The following ZDHHC7 variants were observed in gnomAD, a reference collection of about 807,000 sequenced individuals.
ZDHHC7 encodes palmitoyltransferase ZDHHC7.
ZDHHC7 carries 12 observed loss-of-function variants against 34.1 expected under a neutral mutation model. The ratio of observed to expected loss-of-function variants is 0.35; its 90% CI spans 0.23 to 0.57. The LOEUF (loss-of-function observed/expected upper bound fraction) is 0.57. Ranked by LOEUF, ZDHHC7 falls within the 20% of genes least tolerant of loss-of-function variation. The pLI, the probability that ZDHHC7 is intolerant of heterozygous loss-of-function variation, is 0.84. For synonymous variants in ZDHHC7, 185 were observed against 155.4 expected, an observed-to-expected ratio of 1.19 and a Z score of -1.42; for missense variants, 388 against 402.7, an observed-to-expected ratio of 0.96 and a Z score of 0.31.
intron 3 of ZDHHC7, among the ~76,000 whole-genome samples, chr16:84,982,577 C>T (rs1256420208): frequency 4.6e-5 from 7 of 152,146 alleles, no homozygotes; most frequent in Non-Finnish European, 7.4e-5. Flanking sequence ...GTTTTCTTAT[C>T]GGGCAGTCGG....
chr16:84,983,282 G>C (rs750508538), intron 3 of ZDHHC7, among the ~76,000 whole-genome samples: 26 of 152,232 alleles, frequency 1.7e-4, no homozygotes, highest in Admixed American at 7.2e-4. Context: ...GGCAGAGGTG[G>C]TGAAGGGCTC....
intron 2 of ZDHHC7, among the ~76,000 whole-genome samples, chr16:84,992,339 C>CGCCT (rs1001481276): frequency 3.8e-5 from 3 of 78,716 alleles, no homozygotes; most frequent in African/African-American, 2.7e-4. Context: ...CAGTGGCAGG[C>CGCCT]GCCTGTACCT....
At chr16:84,980,893 T>A (rs973790172) in intron 4 of ZDHHC7, among the ~76,000 whole-genome samples, 1 of 152,204 alleles carries the variant, frequency 6.6e-6, no homozygotes, top group Non-Finnish European at 1.5e-5. Flanking sequence ...CATCTTTCTT[T>A]ACTTTCTGGC....
upstream of ZDHHC7, among the ~76,000 whole-genome samples, chr16:85,015,806 C>T (rs761906830): frequency 6.6e-6 from 1 of 150,676 alleles, no homozygotes; most frequent in Non-Finnish European, 1.5e-5. Context: ...CACTGCACTC[C>T]AGCTAGGGAG....
At chr16:85,011,969 T>C (rs1162633744), upstream of ZDHHC7, among the ~76,000 whole-genome samples, 1 of 152,180 alleles carries the variant, frequency 6.6e-6, no homozygotes, top group Non-Finnish European at 1.5e-5. Flanking sequence ...GAACTGGGGA[T>C]TGGAGGCCTG....
chr16:85,001,470 C>CAAAAAAAAAAAAAAAAAAAAAAAA lies in ZDHHC7; in HGVS notation c.-103-5464_-103-5463insTTTTTTTTTTTTTTTTTTTTTTTT, dbSNP rs71151261. 4.5e-4 allele frequency among the ~76,000 whole-genome samples: 43 copies of CAAAAAAAAAAAAAAAAAAAAAAAA among 95,280 alleles called. 1 individual carries two copies. The highest frequency in any genetic ancestry group is 1.3e-3 in the East Asian group (4 of 3,110). 62.5% of individuals were successfully genotyped at this position (95,280 alleles called of 152,430 possible). On this transcript the variant is annotated intron_variant, in intron 1 of 7. Transcript: ENST00000313732. ...TGGGCAAGAGAGCAAGACCCTGTCTCAAAAAAAAAAAAAATTAAGTAAATG... is the reference window on the plus strand; with the variant it reads ...TGGGCAAGAGAGCAAGACCCTGTCTCAAAAAAAAAAAAAAAAAAAAAAAAAAAAAAAAAAAAAATTAAGTAAATG...
At chr16:85,027,346 G>T in the ZDHHC7 span, among the ~76,000 whole-genome samples, 1 of 152,010 alleles carries the variant, frequency 6.6e-6, no homozygotes, top group Non-Finnish European at 1.5e-5. Context: ...ACATGCCTTC[G>T]CCGTAACTAG....
intron 2 of ZDHHC7, among the ~76,000 whole-genome samples, chr16:84,995,139 G>A (rs1273875371): frequency 2.6e-5 from 4 of 152,144 alleles, no homozygotes; most frequent in East Asian, 1.9e-4. Context: ...TGAGGGAACC[G>A]TGAAACACTG....
At chr16:85,013,634 T>A (rs60115438), upstream of ZDHHC7, among the ~76,000 whole-genome samples, 3 of 152,190 alleles carry the variant, frequency 2.0e-5, no homozygotes, top group African/African-American at 7.2e-5. Flanking sequence ...CTTATGAATA[T>A]ATGAGATGTA....
In ZDHHC7 at chr16:84,976,252, C is replaced by G. The variant is rs567256693; in HGVS notation, c.*91G>C. On this transcript the variant is annotated 3_prime_UTR_variant, in exon 8 of 8. Coordinates refer to ENST00000313732, the MANE Select transcript of ZDHHC7 (RefSeq NM_017740.3). Reference sequence around the variant, plus strand: ...TTGGTTTGTGTAGGTTCCAGTTGCCCTGTTGGTCACAGATGAGCTGTTGAT... The same window carrying G: ...TTGGTTTGTGTAGGTTCCAGTTGCCGTGTTGGTCACAGATGAGCTGTTGAT... The G allele has an allele frequency of 6.6e-7, 1 of 1,516,332 alleles. No individual in the cohort carries two copies. Among genetic ancestry groups the G allele is most frequent in the East Asian group, 2.3e-5 (1 of 44,144 alleles). The allele number at this position is 1,516,332 out of a possible 1,614,324, so 93.9% of individuals were successfully genotyped here. A position where few individuals can be genotyped will look rare whatever the true frequency, so the allele number is the denominator to read the frequency against.
chr16:84,977,274 G>A lies in ZDHHC7; in HGVS notation c.620-49C>T, dbSNP rs751496896. The A allele has an allele frequency of 3.1e-6, 5 of 1,601,772 alleles. No homozygotes were observed. The African/African-American group carries it at 5.4e-5, about 17-fold the overall frequency. On this transcript the variant is annotated intron_variant, in intron 6 of 7. Coordinates refer to ENST00000313732, the MANE Select transcript of ZDHHC7 (RefSeq NM_017740.3). ...ATAACTGGTCCTGAATACCCCGAGTGGCAGAATGTTTGGCTCAGAGAAGAA... is the reference window on the plus strand; with the variant it reads ...ATAACTGGTCCTGAATACCCCGAGTAGCAGAATGTTTGGCTCAGAGAAGAA...
At chr16:85,014,087 G>A (rs1050643606), upstream of ZDHHC7, among the ~76,000 whole-genome samples, 3 of 152,086 alleles carry the variant, frequency 2.0e-5, no homozygotes, top group African/African-American at 4.8e-5. Context: ...TAATCTTTGC[G>A]CCCATTTTAA....
chr16:85,018,935 G>A, the ZDHHC7 span, among the ~76,000 whole-genome samples: 1 of 152,160 alleles, frequency 6.6e-6, no homozygotes, highest in African/African-American at 2.4e-5. Context: ...ACAACCTGTG[G>A]TAGATGTTTA....
intron 1 of ZDHHC7, among the ~76,000 whole-genome samples, chr16:85,001,021 AAGGGAATTC>A (rs1188369838): frequency 6.6e-6 from 1 of 152,190 alleles, no homozygotes; most frequent in Non-Finnish European, 1.5e-5. Flanking sequence ...CACAGCACAG[AAGGGAATTC>A]AGCATTCCAG....
chr16:85,025,272 A>G, the ZDHHC7 span, among the ~76,000 whole-genome samples: 3,896 of 152,098 alleles, frequency 0.026, 172 homozygotes, highest in African/African-American at 0.089. Flanking sequence ...TGATTTAAAA[A>G]AAAAAAAAGA....
At chr16:85,007,348 G>C (rs1426656195) in intron 1 of ZDHHC7, among the ~76,000 whole-genome samples, 2 of 151,220 alleles carry the variant, frequency 1.3e-5, no homozygotes, top group Non-Finnish European at 2.9e-5. Flanking sequence ...GCTTGAACCT[G>C]GGAGGCGGAG....
chr16:85,009,352 T>C (rs2072758713), intron 1 of ZDHHC7, among the ~76,000 whole-genome samples: 2 of 152,208 alleles, frequency 1.3e-5, no homozygotes, highest in Admixed American at 1.3e-4. Flanking sequence ...CAGTGCTTTC[T>C]TTCTCACTGA....
At chr16:85,005,388 G>C (rs902391982) in intron 1 of ZDHHC7, among the ~76,000 whole-genome samples, 2 of 152,228 alleles carry the variant, frequency 1.3e-5, no homozygotes, top group Non-Finnish European at 2.9e-5. Context: ...AAGGTGAGAA[G>C]AAAGGCTATT....
At chr16:85,001,617 C>G (rs1027271259) in intron 1 of ZDHHC7, among the ~76,000 whole-genome samples, 5 of 152,106 alleles carry the variant, frequency 3.3e-5, no homozygotes, top group African/African-American at 1.2e-4. Context: ...ATGGAAATAT[C>G]TACAGATATG....
Sources: allele counts gnomAD v4.1 joint callset (sites outside exome capture counted in the v4.1 genomes callset), GRCh38; gene constraint gnomAD v4.1.1; transcripts MANE v1.5; gene names NCBI Gene and HGNC (gene_info 2026-07-23, HGNC 2026-07-21).